PDZD2: variants seen among roughly 807,000 people sequenced by gnomAD.
PDZD2 encodes the protein PDZ domain-containing protein 2.
In PDZD2, 90 loss-of-function variants were observed where a neutral mutation model predicts 220.7. That is an observed-to-expected ratio of 0.41 (90% CI 0.34 to 0.49). The LOEUF (loss-of-function observed/expected upper bound fraction) is 0.49. Among genes scored for constraint, PDZD2 ranks in the 20% least tolerant of loss-of-function variants. The pLI, the probability that PDZD2 is intolerant of heterozygous loss-of-function variation, is 0.28. For synonymous variants in PDZD2, 1,375 were observed against 1,450.5 expected (o/e 0.95, Z 1.18); for missense variants, 3,174 against 3,608.5 (o/e 0.88, Z 3.08).
At chr5:32,046,194 A>G (rs2112275759) in intron 7 of PDZD2, among the ~76,000 whole-genome samples, 1 of 152,338 alleles carries the variant, frequency 6.6e-6, no homozygotes, top group African/African-American at 2.4e-5. Flanking sequence ...AACATAATAT[A>G]GACTAGGTAT....
rs1267099576 is a variant in PDZD2, at chr5:31,692,197, CA to C, written c.-361+52761del. Among the ~76,000 whole-genome samples, 208 of 152,368 alleles carry C rather than the reference CA, an allele frequency of 1.4e-3. 1 individual carries two copies. The highest frequency in any genetic ancestry group is 4.8e-3 in the African/African-American group (200 of 41,592). On this transcript the variant is annotated intron_variant, in intron 1 of 24. Transcript: ENST00000438447. ...AGGCCCGGCGAGAAATTGAGCACAG[CA>C]GCTGCTGGCCCAGGTGCTAAGCTTC...
chr5:31,786,769 C>T (rs962720975), intron 1 of PDZD2, among the ~76,000 whole-genome samples: 3 of 152,172 alleles, frequency 2.0e-5, no homozygotes, highest in Admixed American at 6.5e-5. Flanking sequence ...CATGACTTGC[C>T]TGGGGCCGTA....
chr5:31,687,063 T>C (rs988965031), intron 1 of PDZD2, among the ~76,000 whole-genome samples: 1 of 150,900 alleles, frequency 6.6e-6, no homozygotes, highest in Non-Finnish European at 1.5e-5. Context: ...GGGTGGGACA[T>C]AAAAAGAGGC....
intron 14 of PDZD2, 118 bp from the exon 15 acceptor site, chr5:32,069,451 C>T: frequency 1.5e-6 from 1 of 669,918 alleles, no homozygotes; most frequent in East Asian, 2.7e-5. Context: ...GGTCATAATC[C>T]TTGGCCCTGT....
intron 6 of PDZD2, among the ~76,000 whole-genome samples, chr5:32,013,477 A>G (rs1753491667): frequency 6.6e-6 from 1 of 152,124 alleles, no homozygotes; most frequent in Non-Finnish European, 1.5e-5. Context: ...AAGTTTACCA[A>G]TTAATCACAC....
intron 1 of PDZD2, among the ~76,000 whole-genome samples, chr5:31,704,872 G>A (rs965057662): frequency 2.0e-5 from 3 of 152,094 alleles, no homozygotes; most frequent in Non-Finnish European, 2.9e-5. Context: ...TGCAAATTAC[G>A]AATATTGGCT....
chr5:32,087,584 T>A lies in PDZD2; in HGVS notation c.4136T>A (p.Leu1379Gln). 6.2e-7 allele frequency: 1 copy of A among 1,614,090 alleles called. No homozygotes were observed. Among genetic ancestry groups the A allele is most frequent in the Non-Finnish European group, 8.5e-7 (1 of 1,179,996 alleles). ...GAAAGCTCCCAGGAGCCTTCCCTGCTGGAGGGAGCAGATTCTGTGTCCTCA... is the reference window on the plus strand; with the variant it reads ...GAAAGCTCCCAGGAGCCTTCCCTGCAGGAGGGAGCAGATTCTGTGTCCTCA... ...APESSQEPSL[L>Q]EGADSVSSRA... The change falls in exon 20 of 25, where the codon CTG becomes CAG. Residue 1379 changes from leucine to glutamine, a missense_variant. Transcript: ENST00000438447. This position sits in a 1 kb window ranked among gnomAD's most constrained non-coding sequence, Gnocchi z 4.0.
intron 1 of PDZD2, among the ~76,000 whole-genome samples, chr5:31,677,712 A>G: frequency 6.6e-6 from 1 of 152,186 alleles, no homozygotes; most frequent in Non-Finnish European, 1.5e-5. Context: ...ACATGCAACA[A>G]TGTGGATGAA....
At chr5:31,955,951 TTATTTG>T (rs1269190505) in intron 2 of PDZD2, among the ~76,000 whole-genome samples, 1 of 152,210 alleles carries the variant, frequency 6.6e-6, no homozygotes, top group Non-Finnish European at 1.5e-5. Context: ...TTTCTTCCTA[TTATTTG>T]TAGTTTTATA....
chr5:31,741,376 A>T lies in PDZD2; in HGVS notation c.-360-57513A>T, dbSNP rs201997037. On this transcript the variant is annotated intron_variant, in intron 1 of 24. Transcript: ENST00000438447. ...AAAGCCAAGATTTTTTTTTTTTTTTAAAAAGGCTCCTCCCAGAATTTTTTT... is the reference window on the plus strand; with the variant it reads ...AAAGCCAAGATTTTTTTTTTTTTTTTAAAAGGCTCCTCCCAGAATTTTTTT... 1.1e-3 allele frequency among the ~76,000 whole-genome samples: 113 copies of T among 100,048 alleles called. No homozygotes were observed. The East Asian group carries it at 0.023, about 21-fold the overall frequency. The allele number at this position is 100,048 out of a possible 152,430, so 65.6% of individuals were successfully genotyped here.
chr5:32,088,196 G>A lies in PDZD2; in HGVS notation c.4748G>A (p.Arg1583His), dbSNP rs763374321. ...ARDGWSPPRSRVSLHKEDPSE... is the reference protein window; with the variant it reads ...ARDGWSPPRSHVSLHKEDPSE... ...GACGGCTGGTCCCCTCCTCGTTCCC[G>A]TGTGTCTTTGCACAAGGAAGATCCT... Residue 1583 changes from arginine to histidine, a missense_variant, in exon 20 of 25, where the codon CGT (arginine) becomes CAT (histidine). By Grantham distance (29) the Arg-to-His change is conservative (BLOSUM62 0). Around this residue, in one of 4 missense-constraint regions of PDZD2, gnomAD observed 1,861 missense variants for 2,001.0 expected, o/e 0.93. Transcript: ENST00000438447. This position sits in a 1 kb window ranked among gnomAD's most constrained non-coding sequence, Gnocchi z 4.6. The A allele has an allele frequency of 1.8e-5, 29 of 1,613,886 alleles. No homozygotes were observed. Among genetic ancestry groups the A allele is most frequent in the South Asian group, 1.4e-4 (13 of 91,086 alleles).
chr5:31,640,336 C>T (rs182279406), intron 1 of PDZD2, among the ~76,000 whole-genome samples: 21 of 152,280 alleles, frequency 1.4e-4, no homozygotes, highest in Admixed American at 3.9e-4. Context: ...ATGGCAGGCA[C>T]GAGGGCATTC....
At chr5:31,809,691 A>C (rs1754975135) in intron 2 of PDZD2, among the ~76,000 whole-genome samples, 2 of 152,222 alleles carry the variant, frequency 1.3e-5, no homozygotes, top group Admixed American at 1.3e-4. Flanking sequence ...GAAAACTGGC[A>C]AACTTGGCCA....
chr5:31,922,520 T>C (rs1341732146), intron 2 of PDZD2, among the ~76,000 whole-genome samples: 1 of 152,172 alleles, frequency 6.6e-6, no homozygotes, highest in Non-Finnish European at 1.5e-5. Context: ...GCAGTAAATT[T>C]TTAAAACTGA....
intron 2 of PDZD2, among the ~76,000 whole-genome samples, chr5:31,828,521 G>A (rs116718867): frequency 0.023 from 3,549 of 152,134 alleles, 63 homozygotes; most frequent in Middle Eastern, 0.068. Context: ...AGGGTCTTCC[G>A]CTGCCACCCA....
At chr5:31,776,827 T>G (rs1377962065) in intron 1 of PDZD2, among the ~76,000 whole-genome samples, 2 of 147,850 alleles carry the variant, frequency 1.4e-5, no homozygotes, top group Non-Finnish European at 3.0e-5. Context: ...TTAATTTTTT[T>G]TTTGTATTCT....
At chr5:31,777,111 G>T (rs1752709046) in intron 1 of PDZD2, among the ~76,000 whole-genome samples, 1 of 152,172 alleles carries the variant, frequency 6.6e-6, no homozygotes, top group South Asian at 2.1e-4. Context: ...AGGGAGAGGT[G>T]CGGCCAGGAA....
intron 8 of PDZD2, 70 bp from the exon 9 acceptor site, chr5:32,052,541 A>G (rs1229555519): frequency 6.2e-6 from 9 of 1,445,796 alleles, no homozygotes; most frequent in Non-Finnish European, 8.8e-6. Flanking sequence ...GTCTGAGTGT[A>G]TTTTTCTGCC....
chr5:31,841,208 TACAC>T (rs10584079), intron 2 of PDZD2, among the ~76,000 whole-genome samples: 7,646 of 150,836 alleles, frequency 0.051, 601 homozygotes, highest in African/African-American at 0.17. Flanking sequence ...TGCACATGTG[TACAC>T]ACACACACAC....
Sources: gnomAD v4.1 joint callset for allele counts (sites outside exome capture counted in the v4.1 genomes callset) on GRCh38, gnomAD v4.1.1 for gene constraint, gnomAD v4.1.1 regional missense constraint, Gnocchi (gnomAD v3.1) non-coding constraint, MANE v1.5 for transcripts, NCBI Gene and HGNC (gene_info 2026-07-23, HGNC 2026-07-21) for gene names.